OSBPL10: variants seen among roughly 807,000 people sequenced by gnomAD.
OSBPL10 encodes the protein oxysterol-binding protein-related protein 10.
In OSBPL10, 49 loss-of-function variants were observed where a neutral mutation model predicts 81.7. That is an observed-to-expected ratio of 0.60 (90% CI 0.48 to 0.76). The LOEUF is 0.76. Among genes scored for constraint, OSBPL10 ranks in the 30% least tolerant of loss-of-function variants. The pLI, the probability that OSBPL10 is intolerant of heterozygous loss-of-function variation, is 0.00. For synonymous variants in OSBPL10, 419 were observed against 383.6 expected (o/e 1.09, Z -1.08); for missense variants, 923 against 987.8 (o/e 0.93, Z 0.88).
intron 2 of OSBPL10, chr3:31,988,607 G>T: frequency 5.8e-6 from 1 of 171,132 alleles, no homozygotes; most frequent in East Asian, 1.6e-4. Flanking sequence ...GTTCACTCTC[G>T]CTCTCTCTCT....
intron 4 of OSBPL10, among the ~76,000 whole-genome samples, chr3:31,805,925 C>CTTGCAAG (rs1699511360): frequency 6.7e-6 from 1 of 149,758 alleles, no homozygotes; most frequent in Non-Finnish European, 1.5e-5. Context: ...CTGTTCTAAG[C>CTTGCAAG]TCTACACTTG....
At chr3:31,674,073 G>C (rs1371330561) in intron 8 of OSBPL10, among the ~76,000 whole-genome samples, 1 of 152,092 alleles carries the variant, frequency 6.6e-6, no homozygotes, top group African/African-American at 2.4e-5. Context: ...TCCTGTATAG[G>C]TTGGATATTT....
At chr3:31,917,473 G>A (rs1009549384) in intron 1 of OSBPL10, among the ~76,000 whole-genome samples, 10 of 151,828 alleles carry the variant, frequency 6.6e-5, no homozygotes, top group Non-Finnish European at 1.2e-4. Flanking sequence ...TGCAACCTAT[G>A]CAAATAGGTA....
intron 2 of OSBPL10, 88 bp from the exon 3 acceptor site, chr3:31,876,600 G>T: frequency 2.9e-6 from 3 of 1,050,860 alleles, no homozygotes; most frequent in African/African-American, 1.6e-5. Context: ...TAAGGGGGTG[G>T]GGAGCCTGGG....
At chr3:31,711,837 G>A (rs1575492826) in intron 6 of OSBPL10, among the ~76,000 whole-genome samples, 1 of 152,170 alleles carries the variant, frequency 6.6e-6, no homozygotes, top group Non-Finnish European at 1.5e-5. Flanking sequence ...AATTTAAATG[G>A]ATAAATTGTA....
At chr3:31,901,461 G>C (rs1286440036) in intron 1 of OSBPL10, among the ~76,000 whole-genome samples, 4 of 152,142 alleles carry the variant, frequency 2.6e-5, no homozygotes, top group Non-Finnish European at 1.5e-5. Flanking sequence ...CCACTGTCTG[G>C]AAGTCTCTTC....
intron 3 of OSBPL10, among the ~76,000 whole-genome samples, chr3:31,865,753 G>A (rs1286470339): frequency 2.0e-5 from 3 of 152,194 alleles, no homozygotes; most frequent in Non-Finnish European, 4.4e-5. Flanking sequence ...ATATAAAAGA[G>A]GTATTCAGTG....
intron 5 of OSBPL10, among the ~76,000 whole-genome samples, chr3:31,735,974 C>G (rs1041106536): frequency 7.2e-5 from 11 of 152,102 alleles, no homozygotes; most frequent in African/African-American, 2.7e-4. Flanking sequence ...AAAGAGTGTA[C>G]GCTCAGTATG....
At chr3:31,935,201 G>A (rs2125728170) in intron 1 of OSBPL10, among the ~76,000 whole-genome samples, 1 of 152,286 alleles carries the variant, frequency 6.6e-6, no homozygotes, top group Admixed American at 6.5e-5. Flanking sequence ...TTTGGCAACA[G>A]GGGAGTCTGG....
chr3:31,710,989 G>A (rs1400741345), intron 6 of OSBPL10: 1 of 152,226 alleles, frequency 6.6e-6, no homozygotes, highest in Admixed American at 6.5e-5. Context: ...TTAAGATATG[G>A]TCTCAGCATT....
chr3:31,954,423 T>C (rs184972239), intron 1 of OSBPL10, among the ~76,000 whole-genome samples: 84 of 152,330 alleles, frequency 5.5e-4, no homozygotes, highest in Admixed American at 2.2e-3. Flanking sequence ...ATTTTAAAGC[T>C]AGCCGTCTCA....
chr3:32,036,584 G>A (rs1243379224), intron 2 of OSBPL10, among the ~76,000 whole-genome samples: 1 of 152,142 alleles, frequency 6.6e-6, no homozygotes, highest in Admixed American at 6.5e-5. Context: ...TCCCTGAAAG[G>A]AGTGATAGAT....
At chr3:31,705,722 C>T (rs1696042736) in intron 6 of OSBPL10, among the ~76,000 whole-genome samples, 1 of 152,222 alleles carries the variant, frequency 6.6e-6, no homozygotes, top group Admixed American at 6.5e-5. Flanking sequence ...CTCCCCTTCT[C>T]TCACAAAGTC....
intron 4 of OSBPL10, among the ~76,000 whole-genome samples, chr3:31,789,313 C>G (rs1028628778): frequency 6.6e-6 from 1 of 152,268 alleles, no homozygotes; most frequent in South Asian, 2.1e-4. Flanking sequence ...CGCACAGATT[C>G]AATGAAAGGC....
intron 1 of OSBPL10, among the ~76,000 whole-genome samples, chr3:31,956,549 T>C (rs898633962): frequency 2.6e-5 from 4 of 152,014 alleles, no homozygotes; most frequent in African/African-American, 9.7e-5. Context: ...CGAAACCCTG[T>C]CTCTACTAAA....
intron 3 of OSBPL10, among the ~76,000 whole-genome samples, chr3:31,867,532 G>A (rs1482738980): frequency 5.3e-5 from 8 of 152,146 alleles, no homozygotes; most frequent in East Asian, 1.9e-4. Flanking sequence ...ACTTGAGGTC[G>A]GAAGTTTGAG....
chr3:32,057,478 A>C (rs1386018178), intron 1 of OSBPL10, among the ~76,000 whole-genome samples: 1 of 152,184 alleles, frequency 6.6e-6, no homozygotes, highest in Non-Finnish European at 1.5e-5. Flanking sequence ...CTCACAGTTC[A>C]GCGTGGTTGG....
At chr3:31,909,788 A>G (rs1696520265) in intron 1 of OSBPL10, among the ~76,000 whole-genome samples, 1 of 152,096 alleles carries the variant, frequency 6.6e-6, no homozygotes, top group African/African-American at 2.4e-5. Context: ...AGGAACCCAC[A>G]TGAATCTACT....
intron 7 of OSBPL10, among the ~76,000 whole-genome samples, chr3:31,684,962 A>G (rs765140256): frequency 2.0e-5 from 3 of 152,184 alleles, no homozygotes; most frequent in Non-Finnish European, 4.4e-5. Flanking sequence ...TGGTAGAGAT[A>G]AGACAGAGAC....
Sources: allele counts gnomAD v4.1 joint callset (sites outside exome capture counted in the v4.1 genomes callset), GRCh38; gene constraint gnomAD v4.1.1; transcripts MANE v1.5; gene names NCBI Gene and HGNC (gene_info 2026-07-23, HGNC 2026-07-21).